The following BCAS3 variants were observed in gnomAD, a reference collection of about 807,000 sequenced individuals.
BCAS3 encodes the protein BCAS4/BCAS3 fusion.
BCAS3 carries 53 observed loss-of-function variants against 116.1 expected under a neutral mutation model. The observed-to-expected ratio is 0.46, with a 90% CI of 0.37 to 0.57. The LOEUF (loss-of-function observed/expected upper bound fraction) is 0.57, where lower values mean the gene tolerates loss of function less well. BCAS3 is among the 20% of genes least tolerant of loss of function. The pLI is 0.00. For synonymous variants in BCAS3, 391 were observed against 408.2 expected, an observed-to-expected ratio of 0.96 and a Z score of 0.51; for missense variants, 917 against 1,165.4, an observed-to-expected ratio of 0.79 and a Z score of 3.10.
chr17:61,279,794 A>G lies in BCAS3; in HGVS notation c.2426-88533A>G, dbSNP rs2051085591. ...TGAGTGAAGAAAAAAAAAAAAAACT[A>G]GGCAGGTAACCACAAGCCAAGTTGG... On this transcript the variant is annotated intron_variant, in intron 22 of 23. Coordinates refer to ENST00000407086, the MANE Select transcript of BCAS3 (RefSeq NM_017679.5). This position sits in a 1 kb window ranked among gnomAD's most constrained non-coding sequence, Gnocchi z 4.4. Among the ~76,000 whole-genome samples the G allele has an allele frequency of 1.3e-5, 2 of 151,052 alleles. No homozygotes were observed. The highest frequency in any genetic ancestry group is 2.1e-4 in the South Asian group (1 of 4,788).
intron 10 of BCAS3, among the ~76,000 whole-genome samples, chr17:60,894,404 T>C (rs945040028): frequency 7.9e-5 from 12 of 152,208 alleles, no homozygotes; most frequent in African/African-American, 2.7e-4. Flanking sequence ...ATTTTGTATG[T>C]TAATTTTATA....
intron 23 of BCAS3, chr17:61,383,545 A>G (rs2059701759): frequency 6.6e-6 from 1 of 152,334 alleles, no homozygotes. Context: ...TCAGCTGTTA[A>G]TCCTCTCAGG....
intron 22 of BCAS3, among the ~76,000 whole-genome samples, chr17:61,212,754 A>G (rs907166072): frequency 2.0e-5 from 3 of 152,072 alleles, no homozygotes; most frequent in East Asian, 3.9e-4. Context: ...CTAGTTTCCA[A>G]TTTCTATTTC....
At position 61,388,771 on chromosome 17, in the gene BCAS3, G is replaced by A. The variant is rs1336643036; in HGVS notation, c.2594-3206G>A. 7.6e-6 allele frequency: 11 copies of A among 1,450,208 alleles called. No individual in the cohort carries two copies. The East Asian group carries it at 1.2e-4, about 16-fold the overall frequency. 89.8% of individuals were successfully genotyped at this position (1,450,208 alleles called of 1,614,324 possible). A position where few individuals can be genotyped will look rare whatever the true frequency, so the allele number is the denominator to read the frequency against. On this transcript the variant is annotated intron_variant, in intron 23 of 23. Transcript: ENST00000407086. This position sits in a 1 kb window ranked among gnomAD's most constrained non-coding sequence, Gnocchi z 6.5. ...GGCTGGGCGGCCGGGATGACTTGGAGGGGGGAATCTGAGCAGCCCTCCTCC... is the reference window on the plus strand; with the variant it reads ...GGCTGGGCGGCCGGGATGACTTGGAAGGGGGAATCTGAGCAGCCCTCCTCC...
In BCAS3 at chr17:61,139,275, GA is replaced by G. The variant is rs765654296; in HGVS notation, c.2425+54712del. On this transcript the variant is annotated intron_variant, in intron 22 of 23. Coordinates refer to ENST00000407086, the MANE Select transcript of BCAS3 (RefSeq NM_017679.5). The surrounding 1 kb of genome is among the most constrained non-coding windows in gnomAD (Gnocchi z 4.7). ...GGAGGACTTAAAAAGAAAGTGTGAA[GA>G]TTTTTTTTTCTTCATTTCCTGATTT... Among the ~76,000 whole-genome samples, 5 of 152,178 alleles carry G rather than the reference GA, an allele frequency of 3.3e-5. No homozygotes were observed. Among genetic ancestry groups the G allele is most frequent in the Non-Finnish European group, 7.4e-5 (5 of 68,024 alleles).
At chr17:61,069,609 G>A (rs1249146490) in intron 19 of BCAS3, among the ~76,000 whole-genome samples, 6 of 152,052 alleles carry the variant, frequency 3.9e-5, no homozygotes, top group African/African-American at 7.2e-5. Context: ...AGGCTAAGGC[G>A]GGTGGATCAC....
rs1466181892 is a variant in BCAS3 at position 60,679,492 on chromosome 17, G to T, written c.35G>T (p.Arg12Ile). Residue 12 changes from arginine to isoleucine, a missense_variant, in exon 2 of 24, where the codon AGA becomes ATA. Transcript: ENST00000407086. ...GCTATGGCTACAGATTCCCCAAGAAGACCCAGTCGTTGTACTGGTGGAGTT... is the reference window on the plus strand; with the variant it reads ...GCTATGGCTACAGATTCCCCAAGAATACCCAGTCGTTGTACTGGTGGAGTT... Reference protein sequence around the residue: ...NEAMATDSPRRPSRCTGGVVV... With the variant: ...NEAMATDSPRIPSRCTGGVVV... The T allele has an allele frequency of 6.2e-7, 1 of 1,613,994 alleles. No individual in the cohort carries two copies. The highest frequency in any genetic ancestry group is 1.1e-5 in the South Asian group (1 of 91,046).
rs1009880975 is a variant in BCAS3 at position 61,020,978 on chromosome 17, C to T, written c.1637+5077C>T. ...GTAAACATGGGATGATTTGCTCTCT[C>T]GTAGGTTTCCTTTTCCTTAAATGGA... On this transcript the variant is annotated intron_variant, in intron 16 of 23. Coordinates refer to ENST00000407086, the MANE Select transcript of BCAS3 (RefSeq NM_017679.5). This position sits in a 1 kb window ranked among gnomAD's most constrained non-coding sequence, Gnocchi z 4.5. Among the ~76,000 whole-genome samples the T allele has an allele frequency of 2.0e-5, 3 of 152,120 alleles. No individual in the cohort carries two copies. Among genetic ancestry groups the T allele is most frequent in the African/African-American group, 4.8e-5 (2 of 41,438 alleles).
At chr17:61,070,188 G>A (rs747804302) in intron 19 of BCAS3, 5 of 1,565,532 alleles carry the variant, frequency 3.2e-6, no homozygotes, top group Middle Eastern at 4.1e-4. Flanking sequence ...AAGCCAACAA[G>A]CACCAGATTA....
intron 6 of BCAS3, among the ~76,000 whole-genome samples, chr17:60,803,796 ATT>A (rs11384999): frequency 0.13 from 11,232 of 88,932 alleles, 306 homozygotes; most frequent in African/African-American, 0.22. Context: ...AACTATTACG[ATT>A]TTTTTTTTTT....
At position 61,213,458 on chromosome 17, in the gene BCAS3, G is replaced by A. The variant is rs761687345; in HGVS notation, c.2425+128894G>A. 3.9e-5 allele frequency among the ~76,000 whole-genome samples: 6 copies of A among 152,036 alleles called. No individual in the cohort carries two copies. Among genetic ancestry groups the A allele is most frequent in the Non-Finnish European group, 5.9e-5 (4 of 68,016 alleles). ...GCTGGGATTACAGGTGTGAGCCACC[G>A]CGCCTGGCCTATTCATATATTTTTA... is the stretch of plus-strand genomic sequence containing the variant. On this transcript the variant is annotated intron_variant, in intron 22 of 23. Transcript: ENST00000407086. The surrounding 1 kb of genome is among the most constrained non-coding windows in gnomAD (Gnocchi z 5.4).
At position 61,128,035 on chromosome 17, in the gene BCAS3, C is replaced by T. The variant is rs114686151; in HGVS notation, c.2425+43471C>T. ...GGGGAAGACATTCAGCAAAGAACACCACAATTCCCATTGAGCTCAGAAAAT... is the reference window on the plus strand; with the variant it reads ...GGGGAAGACATTCAGCAAAGAACACTACAATTCCCATTGAGCTCAGAAAAT... On this transcript the variant is annotated intron_variant, in intron 22 of 23. Coordinates refer to ENST00000407086, the MANE Select transcript of BCAS3 (RefSeq NM_017679.5). The surrounding 1 kb of genome is among the most constrained non-coding windows in gnomAD (Gnocchi z 4.1). 8.5e-4 allele frequency: 208 copies of T among 244,338 alleles called. No homozygotes were observed. The highest frequency in any genetic ancestry group is 4.5e-3 in the African/African-American group (194 of 43,084). The allele number at this position is 244,338 out of a possible 1,614,324, so 15.1% of individuals were successfully genotyped here. A position where few individuals can be genotyped will look rare whatever the true frequency, so the allele number is the denominator to read the frequency against.
At position 61,377,466 on chromosome 17, in the gene BCAS3, C is replaced by G. The variant is rs2059391175; in HGVS notation, c.2593+8972C>G. On this transcript the variant is annotated intron_variant, in intron 23 of 23. Transcript: ENST00000407086. The surrounding 1 kb of genome is among the most constrained non-coding windows in gnomAD (Gnocchi z 4.6). Reference sequence around the variant, plus strand: ...TGAGAGTCCTTTCAGTTCCCAGCACCAAGCTCCCGCTATTGGGAAGAATGT... The same window carrying G: ...TGAGAGTCCTTTCAGTTCCCAGCACGAAGCTCCCGCTATTGGGAAGAATGT... 6.6e-6 allele frequency among the ~76,000 whole-genome samples: 1 copy of G among 152,222 alleles called. No homozygotes were observed. Among genetic ancestry groups the G allele is most frequent in the Non-Finnish European group, 1.5e-5 (1 of 68,046 alleles).
Position 61,082,572 on chromosome 17 carries a change from A to G in BCAS3, c.2328-1895A>G, listed in dbSNP as rs1304176689. On this transcript the variant is annotated intron_variant, in intron 21 of 23. Transcript: ENST00000407086. The surrounding 1 kb of genome is among the most constrained non-coding windows in gnomAD (Gnocchi z 5.1). ...CTATAGGAGTTGTATTAGCCCACAT[A>G]GGAAGTTGTTTAGACTAGAAGGGGG... Among the ~76,000 whole-genome samples the G allele has an allele frequency of 6.6e-6, 1 of 152,218 alleles. No homozygotes were observed. Among genetic ancestry groups the G allele is most frequent in the Non-Finnish European group, 1.5e-5 (1 of 68,032 alleles).
At chr17:61,149,760 G>A (rs970278538) in intron 22 of BCAS3, among the ~76,000 whole-genome samples, 1 of 152,112 alleles carries the variant, frequency 6.6e-6, no homozygotes, top group South Asian at 2.1e-4. Flanking sequence ...TGTCTGAGGC[G>A]TTTGTCTTCT....
chr17:61,273,980 T>TATAA (rs2050543925), intron 22 of BCAS3, among the ~76,000 whole-genome samples: 2 of 151,276 alleles, frequency 1.3e-5, no homozygotes, highest in Non-Finnish European at 2.9e-5. Flanking sequence ...TTATTATACT[T>TATAA]TAAGTTTTAG....
At chr17:60,868,320 A>G (rs2054808870) in intron 7 of BCAS3, among the ~76,000 whole-genome samples, 1 of 152,038 alleles carries the variant, frequency 6.6e-6, no homozygotes, top group African/African-American at 2.4e-5. Flanking sequence ...TAACTGCACC[A>G]GCCTAATCAT....
chr17:60,765,176 T>G (rs1487527114), intron 6 of BCAS3, among the ~76,000 whole-genome samples: 3 of 152,224 alleles, frequency 2.0e-5, no homozygotes, highest in African/African-American at 7.2e-5. Context: ...CATGGGGGCA[T>G]TTAGCCCATT....
intron 6 of BCAS3, among the ~76,000 whole-genome samples, chr17:60,756,720 T>G (rs953506711): frequency 6.6e-6 from 1 of 152,356 alleles, no homozygotes; most frequent in East Asian, 1.9e-4. Flanking sequence ...CTGTAAATAG[T>G]GCTGTGATAA....
Sources: gnomAD v4.1 joint callset for allele counts (sites outside exome capture counted in the v4.1 genomes callset) on GRCh38, gnomAD v4.1.1 for gene constraint, Gnocchi (gnomAD v3.1) non-coding constraint, MANE v1.5 for transcripts, NCBI Gene and HGNC (gene_info 2026-07-23, HGNC 2026-07-21) for gene names.